KCNK9: variants seen among roughly 807,000 people sequenced by gnomAD.
KCNK9 encodes the protein potassium channel subfamily K member 9.
In KCNK9, 1 loss-of-function variant was observed where a neutral mutation model predicts 10.8. The observed-to-expected ratio is 0.09, with a 90% CI of 0.03 to 0.44. The LOEUF (loss-of-function observed/expected upper bound fraction) is 0.44, where lower values mean the gene tolerates loss of function less well. Ranked by LOEUF, KCNK9 falls within the 20% of genes least tolerant of loss-of-function variation. The probability of loss-of-function intolerance (pLI) is 0.97; values close to 1 mark genes in which losing one functional copy is unlikely to be tolerated. For synonymous variants in KCNK9, 231 were observed against 222.7 expected (o/e 1.04, Z -0.33); for missense variants, 303 against 515.0 (o/e 0.59, Z 3.98).
At position 139,618,108 on chromosome 8, in the gene KCNK9, TGAGACCAA is replaced by T. The variant is rs1273593969; in HGVS notation, c.*142_*149del. 7 of 1,136,324 alleles carry T rather than the reference TGAGACCAA, an allele frequency of 6.2e-6. No individual in the cohort carries two copies. In the African/African-American group the frequency reaches 6.3e-5, roughly 10 times the overall value. 70.4% of individuals were successfully genotyped at this position (1,136,324 alleles called of 1,614,324 possible). ...GTCTGGCTGGAAAGGTGGGGGAAAA[TGAGACCAA>T]GAGACCAAGAAAGGAGGAAGGAGAG... On this transcript the variant is annotated 3_prime_UTR_variant, in exon 2 of 2. Coordinates refer to ENST00000520439, the MANE Select transcript of KCNK9 (RefSeq NM_001282534.2). The surrounding 1 kb of genome is among the most constrained non-coding windows in gnomAD (Gnocchi z 7.9).
intron 1 of KCNK9, among the ~76,000 whole-genome samples, chr8:139,675,827 G>A (rs1270186464): frequency 2.0e-5 from 3 of 152,048 alleles, no homozygotes; most frequent in Non-Finnish European, 2.9e-5. Flanking sequence ...GACAGAACCT[G>A]TTGGTGTTCA....
chr8:139,663,005 C>A (rs531427511), intron 1 of KCNK9, among the ~76,000 whole-genome samples: 1 of 152,188 alleles, frequency 6.6e-6, no homozygotes, highest in South Asian at 2.1e-4. Flanking sequence ...CACACCAGGG[C>A]AGCACCCCTC....
At chr8:139,636,546 T>C (rs1815346243) in intron 1 of KCNK9, among the ~76,000 whole-genome samples, 1 of 152,220 alleles carries the variant, frequency 6.6e-6, no homozygotes, top group Non-Finnish European at 1.5e-5. Flanking sequence ...TAAAAGTGCT[T>C]TCTGAGGTCA....
intron 1 of KCNK9, among the ~76,000 whole-genome samples, chr8:139,620,701 C>CA (rs1172157538): frequency 6.6e-6 from 1 of 152,198 alleles, no homozygotes; most frequent in Non-Finnish European, 1.5e-5. Flanking sequence ...GCCTTCCCCC[C>CA]ATCCTCTCTG....
Position 139,631,594 on chromosome 8 carries a change from C to G in KCNK9, c.284-12495G>C, listed in dbSNP as rs1215935000. Among the ~76,000 whole-genome samples, 4 of 152,284 alleles carry G rather than the reference C, an allele frequency of 2.6e-5. No homozygotes were observed. The South Asian group carries it at 6.2e-4, about 24-fold the overall frequency. ...CACCCCTTTCCAGCAAAATTCTCCT[C>G]ACTCCCTTCCGTTCTACTCTTTCTT... On this transcript the variant is annotated intron_variant, in intron 1 of 1. Coordinates refer to ENST00000520439, the MANE Select transcript of KCNK9 (RefSeq NM_001282534.2).
chr8:139,654,062 G>A (rs1815946736), intron 1 of KCNK9, among the ~76,000 whole-genome samples: 1 of 152,330 alleles, frequency 6.6e-6, no homozygotes, highest in South Asian at 2.1e-4. Context: ...CCCTGCCTAG[G>A]GCCTTGTCAA....
intron 1 of KCNK9, among the ~76,000 whole-genome samples, chr8:139,679,323 A>G (rs1015408322): frequency 3.3e-5 from 5 of 152,164 alleles, no homozygotes; most frequent in African/African-American, 1.2e-4. Flanking sequence ...AGGATGCGGA[A>G]TGGCAGGTGA....
downstream of KCNK9, among the ~76,000 whole-genome samples, chr8:139,610,663 T>C (rs929570510): frequency 1.3e-5 from 2 of 152,182 alleles, no homozygotes; most frequent in South Asian, 2.1e-4. Context: ...AATTTTATTA[T>C]GGGGGGAGGA....
At chr8:139,631,992 T>C (rs1375813310) in intron 1 of KCNK9, among the ~76,000 whole-genome samples, 1 of 152,200 alleles carries the variant, frequency 6.6e-6, no homozygotes, top group East Asian at 1.9e-4. Flanking sequence ...GCCGAGTTAC[T>C]GGGAGCTGTA....
chr8:139,632,499 C>T (rs562835210), intron 1 of KCNK9, among the ~76,000 whole-genome samples: 77 of 152,312 alleles, frequency 5.1e-4, no homozygotes, highest in Admixed American at 1.2e-3. Flanking sequence ...GTGACCTCCT[C>T]CTGCTCCTGG....
intron 1 of KCNK9, among the ~76,000 whole-genome samples, chr8:139,694,892 C>T (rs1817015550): frequency 6.6e-6 from 1 of 152,196 alleles, no homozygotes; most frequent in Admixed American, 6.5e-5. Flanking sequence ...GCTGGTTGAC[C>T]CCAAGACCCC....
chr8:139,687,499 TAC>T (rs1816829422), intron 1 of KCNK9, among the ~76,000 whole-genome samples: 2 of 41,314 alleles, frequency 4.8e-5, no homozygotes, highest in African/African-American at 1.5e-4. Flanking sequence ...TACACATATA[TAC>T]ATATATATGT....
Position 139,636,770 on chromosome 8 carries a change from A to C in KCNK9, c.284-17671T>G, listed in dbSNP as rs570831840. Among the ~76,000 whole-genome samples, 10 of 152,226 alleles carry C rather than the reference A, an allele frequency of 6.6e-5. No individual in the cohort carries two copies. In the South Asian group the frequency reaches 1.4e-3, roughly 22 times the overall value. ...ATGACTAAATTTCAGGAAGAAAAGA[A>C]AGGTTTATGGCATTTGAACCTGCCC... is the stretch of plus-strand genomic sequence containing the variant. On this transcript the variant is annotated intron_variant, in intron 1 of 1. Coordinates refer to ENST00000520439, the MANE Select transcript of KCNK9 (RefSeq NM_001282534.2).
Position 139,618,857 on chromosome 8 carries a change from C to T in KCNK9, c.526G>A (p.Ala176Thr). Residue 176 changes from alanine (A) to threonine (T), a missense_variant, in exon 2 of 2, where the codon GCC becomes ACC. Physicochemically the swap from Ala to Thr is moderately conservative, Grantham distance 58. This residue lies in a region of KCNK9 where 53 missense variants were observed against 134.9 expected (regional missense o/e 0.39). Coordinates refer to ENST00000520439, the MANE Select transcript of KCNK9 (RefSeq NM_001282534.2). This position sits in a 1 kb window ranked among gnomAD's most constrained non-coding sequence, Gnocchi z 7.9. ...SCMGTLCIGA[A>T]AFSQCEEWSF... is the part of the protein sequence containing the mutation. Reference sequence around the variant, plus strand: ...CACTCCTCACACTGGGAGAAGGCGGCCGCCCCGATGCACAGCGTCCCCATG... The same window carrying T: ...CACTCCTCACACTGGGAGAAGGCGGTCGCCCCGATGCACAGCGTCCCCATG... 1 of 1,614,232 alleles carries T rather than the reference C, an allele frequency of 6.2e-7. No individual in the cohort carries two copies. Among genetic ancestry groups the T allele is most frequent in the Non-Finnish European group, 8.5e-7 (1 of 1,180,038 alleles).
chr8:139,658,238 C>T (rs1816067969), intron 1 of KCNK9, among the ~76,000 whole-genome samples: 1 of 152,162 alleles, frequency 6.6e-6, no homozygotes, highest in African/African-American at 2.4e-5. Flanking sequence ...GCCTGAAGGG[C>T]TGAGAGGAGC....
intron 1 of KCNK9, among the ~76,000 whole-genome samples, chr8:139,675,673 C>T (rs114760594): frequency 0.01 from 1,561 of 152,212 alleles, 26 homozygotes; most frequent in African/African-American, 0.035. Flanking sequence ...TATAGCAGCC[C>T]GAAATAAGAC....
intron 1 of KCNK9, among the ~76,000 whole-genome samples, chr8:139,649,169 T>G (rs1214623781): frequency 1.3e-5 from 2 of 152,224 alleles, no homozygotes; most frequent in Non-Finnish European, 2.9e-5. Context: ...TTGCTCACTT[T>G]CACTGAAGAT....
chr8:139,663,842 G>A (rs1468492484), intron 1 of KCNK9, among the ~76,000 whole-genome samples: 9 of 152,116 alleles, frequency 5.9e-5, no homozygotes, highest in Non-Finnish European at 7.3e-5. Context: ...GATTGCTGTC[G>A]CTTTGCACCA....
Position 139,618,405 on chromosome 8 carries a change from G to A in KCNK9, c.978C>T (p.Tyr326=), listed in dbSNP as rs779993625. Residue 326 remains tyrosine (Y), a synonymous_variant, in exon 2 of 2, where the codon TAC becomes TAT. Transcript: ENST00000520439. The surrounding 1 kb of genome is among the most constrained non-coding windows in gnomAD (Gnocchi z 7.9). ...NSFSAKLAPH[Y]FHSISYKIEE... is the part of the protein sequence containing the mutation. ...CGATCTTGTAAGAGATGGAGTGGAA[G>A]TAGTGGGGGGCAAGCTTGGCGCTGA... The A allele has an allele frequency of 2.8e-5, 45 of 1,614,088 alleles. No individual in the cohort carries two copies. The Admixed American group carries it at 6.7e-4, about 24-fold the overall frequency.
Sources: gnomAD v4.1 joint callset for allele counts (sites outside exome capture counted in the v4.1 genomes callset) on GRCh38, gnomAD v4.1.1 for gene constraint, gnomAD v4.1.1 regional missense constraint, Gnocchi (gnomAD v3.1) non-coding constraint, MANE v1.5 for transcripts, NCBI Gene and HGNC (gene_info 2026-07-23, HGNC 2026-07-21) for gene names.